Variants in ARHGAP24 observed in about 807,000 individuals in gnomAD.
ARHGAP24 encodes the protein Rho GTPase activating protein 24.
ARHGAP24 carries 50 observed loss-of-function variants against 76.4 expected under a neutral mutation model. The ratio of observed to expected loss-of-function variants is 0.65; its 90% CI spans 0.52 to 0.83. ARHGAP24 has a LOEUF of 0.83. Among genes scored for constraint, ARHGAP24 ranks in the 40% least tolerant of loss-of-function variants. ARHGAP24 has a pLI of 0.00. For synonymous variants in ARHGAP24, 345 were observed against 323.3 expected (o/e 1.07, Z -0.72); for missense variants, 930 against 914.2 (o/e 1.02, Z -0.22).
intron 8 of ARHGAP24, among the ~76,000 whole-genome samples, chr4:85,983,071 C>A: frequency 6.6e-6 from 1 of 152,128 alleles, no homozygotes; most frequent in East Asian, 1.9e-4. Context: ...GCTTCCAGCT[C>A]CATCCATGTC....
At chr4:85,888,253 T>C (rs1454401804) in intron 3 of ARHGAP24, among the ~76,000 whole-genome samples, 1 of 151,880 alleles carries the variant, frequency 6.6e-6, no homozygotes, top group Non-Finnish European at 1.5e-5. Flanking sequence ...ATACAAAAAT[T>C]AGCCGGACGT....
At chr4:85,491,416 C>T (rs962986505) in intron 1 of ARHGAP24, among the ~76,000 whole-genome samples, 1 of 152,124 alleles carries the variant, frequency 6.6e-6, no homozygotes, top group Admixed American at 6.5e-5. Context: ...AGAAACTGTT[C>T]TATTCTGGTA....
At chr4:85,674,555 G>C (rs1226573567) in intron 2 of ARHGAP24, among the ~76,000 whole-genome samples, 1 of 152,120 alleles carries the variant, frequency 6.6e-6, no homozygotes. Context: ...TGCATTTGCA[G>C]TTGCCACAGT....
chr4:85,814,911 A>G (rs1276006443), intron 3 of ARHGAP24, among the ~76,000 whole-genome samples: 1 of 152,214 alleles, frequency 6.6e-6, no homozygotes, highest in Admixed American at 6.5e-5. Flanking sequence ...CTGAGCATCC[A>G]GGCATTTCCA....
chr4:85,735,920 G>A (rs1012469692), intron 3 of ARHGAP24, among the ~76,000 whole-genome samples: 13 of 151,924 alleles, frequency 8.6e-5, no homozygotes, highest in Middle Eastern at 3.4e-3. Context: ...ATCTATCACC[G>A]TCTACAGGAC....
chr4:85,864,741 A>G (rs1400581746), intron 3 of ARHGAP24, among the ~76,000 whole-genome samples: 1 of 152,098 alleles, frequency 6.6e-6, no homozygotes, highest in Non-Finnish European at 1.5e-5. Context: ...CCCATCTGCA[A>G]TGAGTAAGAG....
chr4:85,729,162 A>C (rs1725293912), intron 3 of ARHGAP24, among the ~76,000 whole-genome samples: 1 of 151,998 alleles, frequency 6.6e-6, no homozygotes, highest in Non-Finnish European at 1.5e-5. Flanking sequence ...GCAGCCGTGA[A>C]GCTTGTATTT....
At chr4:85,989,046 G>A (rs1740169462) in intron 8 of ARHGAP24, among the ~76,000 whole-genome samples, 1 of 151,176 alleles carries the variant, frequency 6.6e-6, no homozygotes, top group Non-Finnish European at 1.5e-5. Context: ...ATGAAGATAA[G>A]AACAAAAATC....
intron 2 of ARHGAP24, among the ~76,000 whole-genome samples, chr4:85,642,399 A>T (rs946138446): frequency 6.6e-6 from 1 of 152,124 alleles, no homozygotes; most frequent in Non-Finnish European, 1.5e-5. Flanking sequence ...AGACTTGTTC[A>T]ACTTCTTTCA....
chr4:85,890,826 AT>A, intron 3 of ARHGAP24, among the ~76,000 whole-genome samples: 1 of 152,208 alleles, frequency 6.6e-6, no homozygotes, highest in Non-Finnish European at 1.5e-5. Flanking sequence ...CAGAAAAGTT[AT>A]TAAATTTAAT....
At chr4:85,499,633 A>G (rs1397991774) in intron 1 of ARHGAP24, among the ~76,000 whole-genome samples, 2 of 152,230 alleles carry the variant, frequency 1.3e-5, no homozygotes. Flanking sequence ...TACTATGACT[A>G]TCTTTCATTA....
rs141635152 is a variant in ARHGAP24 at position 85,927,025 on chromosome 4, C to A, written c.391+3255C>A. Among the ~76,000 whole-genome samples the A allele has an allele frequency of 2.4e-4, 37 of 151,966 alleles. No homozygotes were observed. In the East Asian group the frequency reaches 6.0e-3, roughly 25 times the overall value. ...TTAGAATTAATATAGTTTTATGAGTCATTCAAAAGTACTAGAATTGATACC... is the reference window on the plus strand; with the variant it reads ...TTAGAATTAATATAGTTTTATGAGTAATTCAAAAGTACTAGAATTGATACC... On this transcript the variant is annotated intron_variant, in intron 4 of 9. Transcript: ENST00000395184.
At chr4:85,655,110 C>G (rs1199291357) in intron 2 of ARHGAP24, among the ~76,000 whole-genome samples, 2 of 151,994 alleles carry the variant, frequency 1.3e-5, no homozygotes, top group African/African-American at 2.4e-5. Context: ...TAGCTTATAG[C>G]TCTTTTTAGG....
chr4:85,868,025 A>G (rs1368594023), intron 3 of ARHGAP24, among the ~76,000 whole-genome samples: 1 of 151,740 alleles, frequency 6.6e-6, no homozygotes, highest in African/African-American at 2.4e-5. Context: ...AGGAAGTCCT[A>G]AGAACATGTG....
At chr4:85,664,592 T>C (rs1392638291) in intron 2 of ARHGAP24, among the ~76,000 whole-genome samples, 1 of 150,838 alleles carries the variant, frequency 6.6e-6, no homozygotes, top group Non-Finnish European at 1.5e-5. Flanking sequence ...CTAGTTCTTT[T>C]AATTGTGATG....
At chr4:85,987,587 T>C (rs1312985209) in intron 8 of ARHGAP24, among the ~76,000 whole-genome samples, 1 of 152,004 alleles carries the variant, frequency 6.6e-6, no homozygotes, top group Non-Finnish European at 1.5e-5. Flanking sequence ...TAAAGCAAAA[T>C]GTAACATGAT....
intron 3 of ARHGAP24, among the ~76,000 whole-genome samples, chr4:85,862,011 T>C (rs1045799085): frequency 3.9e-5 from 6 of 152,104 alleles, no homozygotes; most frequent in African/African-American, 1.4e-4. Flanking sequence ...TTCTTTAAGT[T>C]GCAGCCAAGT....
chr4:85,630,854 G>T (rs1721134990), intron 2 of ARHGAP24, among the ~76,000 whole-genome samples: 1 of 151,794 alleles, frequency 6.6e-6, no homozygotes, highest in South Asian at 2.1e-4. Context: ...AAGAATGTTA[G>T]CCCTTACTTG....
chr4:85,894,993 AC>A (rs1560701736), intron 3 of ARHGAP24, among the ~76,000 whole-genome samples: 368 of 21,902 alleles, frequency 0.017, 3 homozygotes, highest in Middle Eastern at 0.025. Context: ...AAAAAACAAA[AC>A]AAAAAGCAAA....
Sources: allele counts gnomAD v4.1 joint callset (sites outside exome capture counted in the v4.1 genomes callset), GRCh38; gene constraint gnomAD v4.1.1; transcripts MANE v1.5; gene names NCBI Gene and HGNC (gene_info 2026-07-23, HGNC 2026-07-21).